The following XKR4 variants were observed in gnomAD, a reference collection of about 807,000 sequenced individuals.
XKR4 encodes XK-related protein 4.
Under a neutral mutation model 53.9 loss-of-function variants are expected in XKR4, and 12 were observed. That is an observed-to-expected ratio of 0.22 (90% CI 0.14 to 0.36). XKR4 has a LOEUF of 0.36. XKR4 is among the 10% of genes least tolerant of loss of function. The pLI is 1.00. For missense variants in XKR4, 799 were observed against 859.5 expected (o/e 0.93, Z 0.88); for synonymous variants, 354 against 362.4 (o/e 0.98, Z 0.26).
At chr8:55,370,666 C>T (rs1396136904) in intron 2 of XKR4, among the ~76,000 whole-genome samples, 1 of 152,130 alleles carries the variant, frequency 6.6e-6, no homozygotes, top group African/African-American at 2.4e-5. Context: ...CTTTGTCTTT[C>T]TAAATATATT....
chr8:55,497,254 T>C (rs1332564840), intron 2 of XKR4, among the ~76,000 whole-genome samples: 1 of 152,336 alleles, frequency 6.6e-6, no homozygotes, highest in South Asian at 2.1e-4. Context: ...TGAATATAAA[T>C]GTATATGTGC....
intron 1 of XKR4, among the ~76,000 whole-genome samples, chr8:55,325,755 G>T (rs1367108500): frequency 6.6e-6 from 1 of 152,058 alleles, no homozygotes; most frequent in African/African-American, 2.4e-5. Context: ...TGTCTTCCTG[G>T]CCCCAAATGT....
rs372890472 is a variant in XKR4, at chr8:55,103,091, A to G, written c.603A>G (p.Ala201=). The part of the protein sequence containing the change: ...DCKTVVGGGS[A]AGEGEARPST... ...AGACGGTGGTCGGCGGTGGGTCTGC[A>G]GCCGGGGAAGGCGAGGCTCGTCCTT... Residue 201 remains alanine (A), a synonymous_variant, in exon 1 of 3, where the codon GCA becomes GCG. Coordinates refer to ENST00000327381, the MANE Select transcript of XKR4 (RefSeq NM_052898.2). 7 of 1,613,074 alleles carry G rather than the reference A, an allele frequency of 4.3e-6. No individual in the cohort carries two copies. Among genetic ancestry groups the G allele is most frequent in the Middle Eastern group, 3.3e-4 (2 of 6,082 alleles).
chr8:55,293,100 C>T (rs111255431), intron 1 of XKR4, among the ~76,000 whole-genome samples: 8 of 152,224 alleles, frequency 5.3e-5, no homozygotes, highest in South Asian at 4.2e-4. Context: ...TGTAGGAAGC[C>T]GAGGCAGGCA....
At chr8:55,459,089 A>G (rs1911149) in intron 2 of XKR4, among the ~76,000 whole-genome samples, 61,289 of 152,070 alleles carry the variant, frequency 0.4, 13,093 homozygotes, top group East Asian at 0.53. Flanking sequence ...AAATAAATCA[A>G]AGGAACAGAA....
intron 1 of XKR4, among the ~76,000 whole-genome samples, chr8:55,145,735 A>G (rs532160173): frequency 1.3e-5 from 2 of 152,364 alleles, no homozygotes; most frequent in South Asian, 4.1e-4. Context: ...AATTACATGT[A>G]TGCTCATGAA....
chr8:55,362,361 G>A (rs761012527), intron 2 of XKR4, among the ~76,000 whole-genome samples: 2 of 152,206 alleles, frequency 1.3e-5, no homozygotes, highest in Non-Finnish European at 2.9e-5. Flanking sequence ...CGTGAAGAGA[G>A]AATGGTCAGG....
intron 2 of XKR4, among the ~76,000 whole-genome samples, chr8:55,430,239 G>A (rs943680412): frequency 1.3e-5 from 2 of 152,098 alleles, no homozygotes; most frequent in African/African-American, 2.4e-5. Flanking sequence ...AAAATAGTTT[G>A]GCAATTTCTT....
At chr8:55,107,657 T>C (rs981112917) in intron 1 of XKR4, among the ~76,000 whole-genome samples, 3 of 152,166 alleles carry the variant, frequency 2.0e-5, no homozygotes, top group African/African-American at 7.2e-5. Context: ...TATGTGAATA[T>C]GTGAAAAGTT....
chr8:55,231,109 T>A (rs1485871810), intron 1 of XKR4, among the ~76,000 whole-genome samples: 1 of 152,228 alleles, frequency 6.6e-6, no homozygotes, highest in African/African-American at 2.4e-5. Context: ...AAGTCTGTAT[T>A]CAAATTGATT....
chr8:55,267,559 A>G (rs1487552633), intron 1 of XKR4, among the ~76,000 whole-genome samples: 1 of 152,226 alleles, frequency 6.6e-6, no homozygotes, highest in African/African-American at 2.4e-5. Context: ...TATGCTTGCA[A>G]TCCACCAGTA....
chr8:55,496,659 CCTGCAAAAA>C (rs1354369877), intron 2 of XKR4, among the ~76,000 whole-genome samples: 1 of 152,164 alleles, frequency 6.6e-6, no homozygotes. Flanking sequence ...TCCCAACTCC[CCTGCAAAAA>C]CTATGTAGGC....
intron 2 of XKR4, chr8:55,454,505 G>T: frequency 7.9e-7 from 1 of 1,262,332 alleles, no homozygotes. Flanking sequence ...CAGTACGTTG[G>T]TGATGCCCAG....
chr8:55,478,035 G>T (rs1013427399), intron 2 of XKR4, among the ~76,000 whole-genome samples: 1 of 152,070 alleles, frequency 6.6e-6, no homozygotes, highest in Non-Finnish European at 1.5e-5. Context: ...TCAACATTCA[G>T]ATTCAGAAAA....
intron 2 of XKR4, among the ~76,000 whole-genome samples, chr8:55,476,015 G>C (rs141736171): frequency 6.6e-6 from 1 of 151,942 alleles, no homozygotes; most frequent in Non-Finnish European, 1.5e-5. Flanking sequence ...CAAAGTGCTG[G>C]GATTACAGGT....
At position 55,499,727 on chromosome 8, in the gene XKR4, C is replaced by T. The variant is rs145312104; in HGVS notation, c.1007-23554C>T. Reference sequence around the variant, plus strand: ...AGAGAGCCGTCACACACTAATAATACTAATTTGGTCTTTATTTTTATATTT... The same window carrying T: ...AGAGAGCCGTCACACACTAATAATATTAATTTGGTCTTTATTTTTATATTT... On this transcript the variant is annotated intron_variant, in intron 2 of 2. Transcript: ENST00000327381. 3.7e-4 allele frequency among the ~76,000 whole-genome samples: 56 copies of T among 152,312 alleles called. No individual in the cohort carries two copies. In the East Asian group the frequency reaches 9.8e-3, roughly 27 times the overall value.
In XKR4 at chr8:55,524,443, C is replaced by T. The variant is rs907963273; in HGVS notation, c.*216C>T. 33 of 585,912 alleles carry T rather than the reference C, an allele frequency of 5.6e-5. No individual in the cohort carries two copies. The highest frequency in any genetic ancestry group is 5.6e-4 in the African/African-American group (30 of 53,742). 36.3% of individuals were successfully genotyped at this position (585,912 alleles called of 1,614,324 possible). On this transcript the variant is annotated 3_prime_UTR_variant, in exon 3 of 3. Coordinates refer to ENST00000327381, the MANE Select transcript of XKR4 (RefSeq NM_052898.2). ...TCTCTGACTCCACCTGAAAGAATGACGCTGGCTTAATAGGACTCTCCATTG... is the reference window on the plus strand; with the variant it reads ...TCTCTGACTCCACCTGAAAGAATGATGCTGGCTTAATAGGACTCTCCATTG...
intron 1 of XKR4, among the ~76,000 whole-genome samples, chr8:55,273,991 T>C (rs1818729677): frequency 6.6e-6 from 1 of 152,178 alleles, no homozygotes; most frequent in African/African-American, 2.4e-5. Flanking sequence ...CTTTTGCTTT[T>C]AAATGGAAGA....
intron 1 of XKR4, among the ~76,000 whole-genome samples, chr8:55,350,306 G>A (rs557255520): frequency 9.9e-5 from 15 of 152,224 alleles, no homozygotes; most frequent in East Asian, 9.7e-4. Context: ...TGACCCACCC[G>A]CCCCTACTTC....
Sources: gnomAD v4.1 joint callset for allele counts (sites outside exome capture counted in the v4.1 genomes callset) on GRCh38, gnomAD v4.1.1 for gene constraint, MANE v1.5 for transcripts, NCBI Gene and HGNC (gene_info 2026-07-23, HGNC 2026-07-21) for gene names.